CAST: variants seen among roughly 807,000 people sequenced by gnomAD.
The protein encoded by CAST is MIR583 host.
A neutral mutation model predicts 119.6 loss-of-function variants in CAST; 76 were observed. The observed-to-expected ratio is 0.64, with a 90% CI of 0.53 to 0.77. CAST has a LOEUF of 0.77. Ranked by LOEUF, CAST falls within the 30% of genes least tolerant of loss-of-function variation. CAST has a pLI of 0.00. For missense variants in CAST, 953 were observed against 946.5 expected, an observed-to-expected ratio of 1.01 and a Z score of -0.09; for synonymous variants, 319 against 331.6, an observed-to-expected ratio of 0.96 and a Z score of 0.41.
the CAST span, among the ~76,000 whole-genome samples, chr5:96,109,384 A>C: frequency 6.6e-6 from 1 of 152,258 alleles, no homozygotes; most frequent in Non-Finnish European, 1.5e-5. Context: ...TATAAATTTT[A>C]CATTTTCCAA....
chr5:96,009,056 C>T, the CAST span, among the ~76,000 whole-genome samples: 1 of 152,130 alleles, frequency 6.6e-6, no homozygotes, highest in African/African-American at 2.4e-5. Context: ...CAAGTGAGAA[C>T]ATGCAGTATT....
chr5:96,362,794 C>T, the CAST span, among the ~76,000 whole-genome samples: 2 of 152,140 alleles, frequency 1.3e-5, no homozygotes, highest in African/African-American at 4.8e-5. Context: ...TGCCTGTTCA[C>T]TCTGATGGTA....
chr5:96,091,338 G>T, the CAST span, among the ~76,000 whole-genome samples: 1 of 151,164 alleles, frequency 6.6e-6, no homozygotes, highest in Non-Finnish European at 1.5e-5. Context: ...GAGTAGCTGG[G>T]ATTACAGTCA....
Position 96,774,358 on chromosome 5 carries a change from T to TTTAA in CAST, c.*1746_*1749dup. 1 of 294,018 alleles carries TTTAA rather than the reference T, an allele frequency of 3.4e-6. No homozygotes were observed. Among genetic ancestry groups the TTTAA allele is most frequent in the Non-Finnish European group, 5.1e-6 (1 of 196,174 alleles). The allele number at this position is 294,018 out of a possible 1,614,324, so 18.2% of individuals were successfully genotyped here. On this transcript the variant is annotated 3_prime_UTR_variant, in exon 32 of 32. Coordinates refer to ENST00000675179, the MANE Select transcript of CAST (RefSeq NM_001750.7). The stretch of plus-strand genomic sequence containing the variant: ...AAAGAACTCTGAATATGCCTTCTTT[T>TTTAA]TTAATTAGAAATATCTTCGAGACTT...
intron 1 of CAST, among the ~76,000 whole-genome samples, chr5:96,557,688 C>T (rs1013214749): frequency 1.3e-5 from 2 of 152,296 alleles, no homozygotes; most frequent in East Asian, 3.9e-4. Flanking sequence ...AATACAGGAG[C>T]ACCCAGATTC....
the CAST span, among the ~76,000 whole-genome samples, chr5:96,449,700 C>T: frequency 2.6e-5 from 4 of 152,224 alleles, no homozygotes; most frequent in African/African-American, 9.6e-5. Context: ...GTCCAATCTT[C>T]TCTCACTATG....
chr5:96,451,909 A>G, the CAST span, among the ~76,000 whole-genome samples: 9 of 152,280 alleles, frequency 5.9e-5, no homozygotes, highest in Non-Finnish European at 1.0e-4. Context: ...ATCACTGGTC[A>G]TTAGAGAAAT....
At chr5:96,754,769 T>G in intron 22 of CAST, 28 bp downstream of exon 22, 1 of 1,255,324 alleles carries the variant, frequency 8.0e-7, no homozygotes, top group Non-Finnish European at 1.2e-6. Flanking sequence ...TTTTTCTATT[T>G]TATTTTAATT....
intron 3 of CAST, among the ~76,000 whole-genome samples, chr5:96,713,581 C>T (rs1581085702): frequency 6.6e-6 from 1 of 152,192 alleles, no homozygotes; most frequent in African/African-American, 2.4e-5. Flanking sequence ...AGCAACCATG[C>T]ATTTGAATCC....
the CAST span, among the ~76,000 whole-genome samples, chr5:96,425,169 T>C: frequency 2.6e-5 from 4 of 152,196 alleles, no homozygotes; most frequent in Non-Finnish European, 5.9e-5. Context: ...AAATAATCTT[T>C]TATAAAATTC....
the CAST span, among the ~76,000 whole-genome samples, chr5:96,122,009 C>T: frequency 9.2e-5 from 14 of 152,008 alleles, no homozygotes; most frequent in African/African-American, 9.7e-5. Flanking sequence ...TTTCTTTTTC[C>T]ACTGCAAAAT....
the CAST span, among the ~76,000 whole-genome samples, chr5:96,375,436 G>GT: frequency 0.04 from 5,010 of 125,302 alleles, 243 homozygotes; most frequent in African/African-American, 0.11. Context: ...GTGTGTGTGT[G>GT]TTTTTTTTAC....
At chr5:96,539,355 CTTAG>C (rs971145028) in intron 1 of CAST, among the ~76,000 whole-genome samples, 2 of 152,156 alleles carry the variant, frequency 1.3e-5, no homozygotes, top group African/African-American at 4.8e-5. Flanking sequence ...TGCATGTCTT[CTTAG>C]TTAATTGACA....
the CAST span, among the ~76,000 whole-genome samples, chr5:96,045,487 GCATT>G: frequency 6.6e-6 from 1 of 152,052 alleles, no homozygotes; most frequent in East Asian, 1.9e-4. Context: ...TTGCAAAATA[GCATT>G]CACTTAATAA....
chr5:96,549,508 C>A (rs1287576673), intron 1 of CAST, among the ~76,000 whole-genome samples: 2 of 152,204 alleles, frequency 1.3e-5, no homozygotes, highest in African/African-American at 4.8e-5. Context: ...GCATTTCCAA[C>A]TGAGGTACCT....
the CAST span, among the ~76,000 whole-genome samples, chr5:96,291,924 C>G: frequency 6.6e-6 from 1 of 150,450 alleles, no homozygotes; most frequent in Non-Finnish European, 1.5e-5. Context: ...CAGAATCTTT[C>G]TTTCCTGTTT....
At chr5:96,169,871 G>C in the CAST span, among the ~76,000 whole-genome samples, 1 of 152,124 alleles carries the variant, frequency 6.6e-6, no homozygotes, top group Admixed American at 6.5e-5. Context: ...TAATAAGGGA[G>C]CTGGGCAGGT....
the CAST span, among the ~76,000 whole-genome samples, chr5:96,108,804 C>T: frequency 6.6e-6 from 1 of 152,270 alleles, no homozygotes; most frequent in South Asian, 2.1e-4. Context: ...TGGGCAATGG[C>T]AGGCGCCCCT....
chr5:96,495,964 C>T, the CAST span, among the ~76,000 whole-genome samples: 6 of 151,896 alleles, frequency 4.0e-5, no homozygotes, highest in African/African-American at 1.2e-4. Flanking sequence ...AAGAAAAGGC[C>T]TTTAATTATT....
Sources: allele counts gnomAD v4.1 joint callset (sites outside exome capture counted in the v4.1 genomes callset), GRCh38; gene constraint gnomAD v4.1.1; transcripts MANE v1.5; gene names NCBI Gene and HGNC (gene_info 2026-07-23, HGNC 2026-07-21).